Variants in HOMER2 observed in about 807,000 individuals in gnomAD.
The protein encoded by HOMER2 is homer scaffold protein 2.
In HOMER2, 27 loss-of-function variants were observed where a neutral mutation model predicts 47.0. The ratio of observed to expected loss-of-function variants is 0.57; its 90% CI spans 0.42 to 0.79. HOMER2 has a LOEUF of 0.79. Ranked by LOEUF, HOMER2 falls within the 30% of genes least tolerant of loss-of-function variation. The probability of loss-of-function intolerance (pLI) is 0.00; values close to 1 mark genes in which losing one functional copy is unlikely to be tolerated. For synonymous variants in HOMER2, 161 were observed against 163.8 expected (o/e 0.98, Z 0.13); for missense variants, 443 against 435.0 (o/e 1.02, Z -0.16).
At chr15:82,982,954 T>C (rs1394804017) in intron 1 of HOMER2, among the ~76,000 whole-genome samples, 2 of 152,188 alleles carry the variant, frequency 1.3e-5, no homozygotes, top group Non-Finnish European at 2.9e-5. Flanking sequence ...GTTGAAAAGA[T>C]CATATACAGC....
Position 82,854,650 on chromosome 15 carries a change from G to C in HOMER2, c.645C>G (p.Arg215=). 6.2e-7 allele frequency: 1 copy of C among 1,612,008 alleles called. No individual in the cohort carries two copies. Among genetic ancestry groups the C allele is most frequent in the Middle Eastern group, 1.7e-4 (1 of 6,052 alleles). The part of the protein sequence containing the change: ...SICRDENDRL[R]NKIDELEEQC... ...CTGCATCCACCGTACCCACCTTGTTGCGGAGCCGGTCATTCTCATCACGGC... is the reference window on the plus strand; with the variant it reads ...CTGCATCCACCGTACCCACCTTGTTCCGGAGCCGGTCATTCTCATCACGGC... Residue 215 remains arginine, a synonymous_variant, in exon 6 of 9, where the codon CGC becomes CGG. Transcript: ENST00000450735.
intron 6 of HOMER2, among the ~76,000 whole-genome samples, chr15:82,853,587 C>T (rs146334043): frequency 6.6e-6 from 1 of 152,164 alleles, no homozygotes. Context: ...GACCTGTCCC[C>T]CTAAAACCCT....
chr15:82,892,588 T>C (rs1567036256), intron 2 of HOMER2, 97 bp downstream of exon 2: 1 of 944,282 alleles, frequency 1.1e-6, no homozygotes, highest in Non-Finnish European at 1.5e-6. Flanking sequence ...ACAGACATTA[T>C]AACAATAACT....
At chr15:82,934,567 T>A (rs2054097244) in intron 1 of HOMER2, among the ~76,000 whole-genome samples, 1 of 151,140 alleles carries the variant, frequency 6.6e-6, no homozygotes, top group South Asian at 2.1e-4. Context: ...ACTTCCCCAC[T>A]CCACCAGCCA....
chr15:82,846,420 G>C (rs943585464), downstream of HOMER2: 1 of 152,162 alleles, frequency 6.6e-6, no homozygotes, highest in Non-Finnish European at 1.5e-5. Flanking sequence ...TTTGTAAACT[G>C]TCCTTTGCTG....
At chr15:82,894,670 C>CAA (rs11302464) in intron 1 of HOMER2, among the ~76,000 whole-genome samples, 13,620 of 79,004 alleles carry the variant, frequency 0.17, 877 homozygotes, top group Middle Eastern at 0.25. Context: ...GACTCCATCT[C>CAA]AAAAAAAAAA....
chr15:82,879,388 C>T (rs2151078614), intron 2 of HOMER2, among the ~76,000 whole-genome samples: 1 of 152,272 alleles, frequency 6.6e-6, no homozygotes, highest in Non-Finnish European at 1.5e-5. Flanking sequence ...CCCAGCTACT[C>T]AGGGGGCTGA....
At chr15:82,909,144 A>G (rs2053379383) in intron 1 of HOMER2, among the ~76,000 whole-genome samples, 1 of 152,230 alleles carries the variant, frequency 6.6e-6, no homozygotes, top group Non-Finnish European at 1.5e-5. Context: ...AAAGAAGTTC[A>G]AGATCATTCA....
intron 1 of HOMER2, among the ~76,000 whole-genome samples, chr15:82,912,424 T>G (rs1282678965): frequency 3.3e-5 from 5 of 152,254 alleles, no homozygotes; most frequent in Non-Finnish European, 7.3e-5. Flanking sequence ...AGTGTTTCAT[T>G]CTTTTTATGG....
At chr15:82,952,407 C>T (rs2054525966) in intron 1 of HOMER2, 124 bp downstream of exon 1, 2 of 674,900 alleles carry the variant, frequency 3.0e-6, no homozygotes, top group South Asian at 7.0e-5. Flanking sequence ...AGAGTGTGCG[C>T]TCGCTCCGGC....
intron 1 of HOMER2, among the ~76,000 whole-genome samples, chr15:82,911,671 C>T (rs145932473): frequency 8.1e-4 from 124 of 152,266 alleles, no homozygotes; most frequent in African/African-American, 2.9e-3. Flanking sequence ...ACTTTATTTA[C>T]AAGAACAGTT....
intron 5 of HOMER2, among the ~76,000 whole-genome samples, chr15:82,855,296 G>A (rs866505195): frequency 5.1e-4 from 68 of 132,938 alleles, no homozygotes; most frequent in Middle Eastern, 9.2e-3. Flanking sequence ...ACTGCACTCC[G>A]GCCTGGCGAC....
intron 1 of HOMER2, among the ~76,000 whole-genome samples, chr15:82,964,783 A>G (rs2054658772): frequency 6.6e-6 from 1 of 152,126 alleles, no homozygotes; most frequent in Admixed American, 6.5e-5. Context: ...AAAACAAAAC[A>G]AAACAAAACA....
chr15:82,838,064 G>GTGCA (rs2051144492), exon 2 of HOMER2: 1 of 152,738 alleles, frequency 6.5e-6, no homozygotes, highest in South Asian at 2.1e-4. Flanking sequence ...CACAGGGAGA[G>GTGCA]TGCACAGCAA....
At chr15:82,882,898 T>TA in intron 2 of HOMER2, among the ~76,000 whole-genome samples, 1 of 27,536 alleles carries the variant, frequency 3.6e-5, no homozygotes, top group East Asian at 6.6e-3. Context: ...TTTTTTTTTT[T>TA]TTTTTTTTAT....
At chr15:82,896,447 T>C (rs914990720) in intron 1 of HOMER2, among the ~76,000 whole-genome samples, 1 of 152,202 alleles carries the variant, frequency 6.6e-6, no homozygotes, top group African/African-American at 2.4e-5. Flanking sequence ...GTGGATGGAC[T>C]GAAGTCATGG....
At chr15:82,860,955 A>AGGAGAGAGAGAGAGAGAGAGAG (rs1555420258) in intron 4 of HOMER2, among the ~76,000 whole-genome samples, 2 of 71,134 alleles carry the variant, frequency 2.8e-5, no homozygotes, top group African/African-American at 6.2e-5. Context: ...AAGATAGAAG[A>AGGAGAGAGAGAGAGAGAGAGAG]TGAGAGAGAG....
chr15:82,957,402 A>G (rs1424969202), upstream of HOMER2, among the ~76,000 whole-genome samples: 1 of 152,146 alleles, frequency 6.6e-6, no homozygotes, highest in Non-Finnish European at 1.5e-5. Context: ...ATAATGGTGG[A>G]ACTAGGGTGA....
chr15:82,909,151 T>C (rs2053379755), intron 1 of HOMER2, among the ~76,000 whole-genome samples: 1 of 152,166 alleles, frequency 6.6e-6, no homozygotes, highest in Non-Finnish European at 1.5e-5. Context: ...TTCAAGATCA[T>C]TCAGGTTGAT....
Sources: gnomAD v4.1 joint callset for allele counts (sites outside exome capture counted in the v4.1 genomes callset) on GRCh38, gnomAD v4.1.1 for gene constraint, MANE v1.5 for transcripts, NCBI Gene and HGNC (gene_info 2026-07-23, HGNC 2026-07-21) for gene names.